The following DMD variants were observed in gnomAD, a reference collection of about 807,000 sequenced individuals.
DMD encodes the protein mutant dystrophin.
A neutral mutation model predicts 330.1 loss-of-function variants in DMD; 63 were observed. That is an observed-to-expected ratio of 0.19 (90% CI 0.16 to 0.24). The LOEUF (loss-of-function observed/expected upper bound fraction) is 0.24. DMD is among the 10% of genes least tolerant of loss of function. DMD has a pLI of 1.00. For synonymous variants in DMD, 1,223 were observed against 959.8 expected, an observed-to-expected ratio of 1.27 and a Z score of -5.07; for missense variants, 3,344 against 2,684.1, an observed-to-expected ratio of 1.25 and a Z score of -5.43.
intron 45 of DMD, among the ~76,000 whole-genome samples, chrX:31,954,439 T>C (rs770066350): frequency 9.0e-6 from 1 of 111,721 alleles, no homozygotes; most frequent in African/African-American, 3.2e-5. Context: ...ACTTTCCTTT[T>C]ACACAATCGT....
intron 55 of DMD, among the ~76,000 whole-genome samples, chrX:31,563,340 G>A (rs912338543): frequency 8.9e-6 from 1 of 112,038 alleles, no homozygotes; most frequent in Non-Finnish European, 1.9e-5. Context: ...GATTACAGGC[G>A]TAAGCCACCA....
intron 16 of DMD, among the ~76,000 whole-genome samples, chrX:32,556,796 A>AT (rs1175343642): frequency 9.0e-6 from 1 of 111,530 alleles, no homozygotes; most frequent in Non-Finnish European, 1.9e-5. Context: ...TGCCTTTGTA[A>AT]CTTTTTTGTT....
chrX:31,832,656 A>G (rs72626005), intron 49 of DMD, among the ~76,000 whole-genome samples: 1,514 of 112,455 alleles, frequency 0.013, 13 homozygotes, highest in Non-Finnish European at 0.02. Context: ...ATAATTCAAG[A>G]GCAGTAAGTA....
intron 7 of DMD, among the ~76,000 whole-genome samples, chrX:32,733,894 G>A (rs1249793639): frequency 9.6e-6 from 1 of 103,640 alleles, no homozygotes; most frequent in Non-Finnish European, 2.0e-5. Flanking sequence ...GCTAGCAGAA[G>A]ACAAGAAATA....
intron 9 of DMD, among the ~76,000 whole-genome samples, chrX:32,697,454 G>A (rs1041779383): frequency 3.6e-5 from 4 of 111,785 alleles, no homozygotes; most frequent in Non-Finnish European, 5.6e-5. Context: ...AATTCACTTA[G>A]AATGTATGTA....
chrX:31,653,965 T>C (rs942673374), intron 54 of DMD, among the ~76,000 whole-genome samples: 1 of 111,763 alleles, frequency 8.9e-6, no homozygotes, highest in African/African-American at 3.2e-5. Flanking sequence ...GATAGATTAG[T>C]TCCTTTTAAG....
intron 63 of DMD, among the ~76,000 whole-genome samples, chrX:31,232,556 C>T (rs1373326368): frequency 1.8e-5 from 2 of 111,296 alleles, no homozygotes; most frequent in East Asian, 2.8e-4. Context: ...ACTAACAAGA[C>T]GCATGCCAGT....
intron 47 of DMD, among the ~76,000 whole-genome samples, chrX:31,902,944 G>A (rs1245840750): frequency 5.4e-5 from 6 of 111,041 alleles, no homozygotes; most frequent in Non-Finnish European, 3.8e-5. Flanking sequence ...GCAACTCTGC[G>A]GCTAATACAT....
At chrX:32,478,756 G>T (rs2041506825) in intron 21 of DMD, among the ~76,000 whole-genome samples, 1 of 111,417 alleles carries the variant, frequency 9.0e-6, no homozygotes. Flanking sequence ...TTTTGCTTAT[G>T]CAACTTGCTC....
chrX:33,112,297 A>G (rs1031186353), intron 1 of DMD, among the ~76,000 whole-genome samples: 2 of 111,515 alleles, frequency 1.8e-5, no homozygotes, highest in Admixed American at 9.6e-5. Flanking sequence ...CATAATATAT[A>G]CATAAGGTTT....
rs193283263 is a variant in DMD at position 32,361,208 on chromosome X, C to G, written c.5325+1580G>C. ...TTAAGGATTGAAATAAATCTCCATT[C>G]ATTGTCTTGTTATTACATAAGCCAT... is the stretch of plus-strand genomic sequence containing the variant. On this transcript the variant is annotated intron_variant, in intron 37 of 78. Transcript: ENST00000357033. Among the ~76,000 whole-genome samples the G allele has an allele frequency of 9.9e-5, 11 of 111,023 alleles. No homozygotes were observed. In the East Asian group the frequency reaches 3.1e-3, roughly 31 times the overall value.
chrX:32,498,869 T>C (rs2043764455), intron 19 of DMD, among the ~76,000 whole-genome samples: 2 of 111,692 alleles, frequency 1.8e-5, no homozygotes, highest in African/African-American at 3.2e-5. Flanking sequence ...CCCTTCTACA[T>C]TGTAACCATG....
chrX:31,579,834 T>C (rs2076263242), intron 55 of DMD, among the ~76,000 whole-genome samples: 1 of 112,528 alleles, frequency 8.9e-6, no homozygotes, highest in Admixed American at 9.4e-5. Context: ...CTTATAGTTT[T>C]GGAAGTCAGA....
In DMD at chrX:32,097,296, G is replaced by C. The variant is rs1257810972; in HGVS notation, c.6438+119620C>G. On this transcript the variant is annotated intron_variant, in intron 44 of 78. Transcript: ENST00000357033. ...CCTCGGTGTGTGATGTTCCCCTCCC[G>C]GTGTCCATGTGTTCTCATTGCTCAA... Among the ~76,000 whole-genome samples, 2 of 110,269 alleles carry C rather than the reference G, an allele frequency of 1.8e-5. 1 individual carries two copies. The highest frequency in any genetic ancestry group is 7.9e-4 in the South Asian group (2 of 2,545).
At chrX:32,046,225 T>G (rs748030208) in intron 44 of DMD, among the ~76,000 whole-genome samples, 2 of 112,556 alleles carry the variant, frequency 1.8e-5, no homozygotes, top group East Asian at 5.6e-4. Context: ...ATGTTATAGT[T>G]GTCCACATAG....
intron 44 of DMD, among the ~76,000 whole-genome samples, chrX:32,041,059 T>C (rs2095997771): frequency 9.0e-6 from 1 of 111,410 alleles, no homozygotes; most frequent in African/African-American, 3.3e-5. Flanking sequence ...GAAGAAAACC[T>C]GAAATCAATA....
At chrX:31,167,988 G>A (rs1279707787) in intron 74 of DMD, among the ~76,000 whole-genome samples, 1 of 112,293 alleles carries the variant, frequency 8.9e-6, no homozygotes, top group Non-Finnish European at 1.9e-5. Context: ...TCTGGGAATA[G>A]AGGCAAAAGA....
intron 1 of DMD, among the ~76,000 whole-genome samples, chrX:33,251,933 A>G (rs774410021): frequency 8.3e-4 from 93 of 112,607 alleles, no homozygotes; most frequent in Non-Finnish European, 1.6e-3. Flanking sequence ...TAGAGCTACA[A>G]TAGTTTACAT....
chrX:32,246,840 G>C (rs2097240671), intron 43 of DMD, among the ~76,000 whole-genome samples: 1 of 110,978 alleles, frequency 9.0e-6, no homozygotes, highest in African/African-American at 3.3e-5. Context: ...AGTCAAACCT[G>C]AAATCATGGC....
Sources: gnomAD v4.1 joint callset for allele counts (sites outside exome capture counted in the v4.1 genomes callset) on GRCh38, gnomAD v4.1.1 for gene constraint, MANE v1.5 for transcripts, NCBI Gene and HGNC (gene_info 2026-07-23, HGNC 2026-07-21) for gene names.